TTC7A: variants seen among roughly 807,000 people sequenced by gnomAD.
The protein encoded by TTC7A is tetratricopeptide repeat domain 7A.
In TTC7A, 110 loss-of-function variants were observed where a neutral mutation model predicts 103.7. The observed-to-expected ratio is 1.06, with a 90% CI of 0.91 to 1.24. The LOEUF is 1.24. Among genes scored for constraint, TTC7A ranks in the 50% most tolerant of loss-of-function variants. TTC7A has a pLI of 0.00. For synonymous variants in TTC7A, 521 were observed against 467.9 expected, an observed-to-expected ratio of 1.11 and a Z score of -1.47; for missense variants, 1,340 against 1,116.3, an observed-to-expected ratio of 1.20 and a Z score of -2.86.
At chr2:46,987,838 G>GTGTGTGTGTT (rs1675193385) in intron 5 of TTC7A, among the ~76,000 whole-genome samples, 1 of 150,834 alleles carries the variant, frequency 6.6e-6, no homozygotes, top group Non-Finnish European at 1.5e-5. Context: ...GTGTGTGTGT[G>GTGTGTGTGTT]TGTGTTTGTG....
Position 46,941,810 on chromosome 2 carries a change from G to C in TTC7A, c.184+85G>C, listed in dbSNP as rs977098720. The C allele has an allele frequency of 1.3e-6, 2 of 1,506,320 alleles. No homozygotes were observed. Among genetic ancestry groups the C allele is most frequent in the Non-Finnish European group, 1.8e-6 (2 of 1,116,270 alleles). 93.3% of individuals were successfully genotyped at this position (1,506,320 alleles called of 1,614,324 possible). ...CAGGAAGCGCGCCCAGACAGTCCTC[G>C]GCCGACAGCGGGCGCCTGCCAGCCC... On this transcript the variant is annotated intron_variant, in intron 1 of 19. Coordinates refer to ENST00000319190, the MANE Select transcript of TTC7A (RefSeq NM_020458.4). The surrounding 1 kb of genome is among the most constrained non-coding windows in gnomAD (Gnocchi z 4.2).
At chr2:47,071,468 C>CTGTT (rs1403089965) in intron 19 of TTC7A, among the ~76,000 whole-genome samples, 1 of 152,236 alleles carries the variant, frequency 6.6e-6, no homozygotes, top group East Asian at 1.9e-4. Context: ...GAAGGCGCTG[C>CTGTT]TGTTTGCTGT....
intron 15 of TTC7A, among the ~76,000 whole-genome samples, chr2:47,045,914 G>T (rs953085893): frequency 5.9e-5 from 9 of 152,326 alleles, no homozygotes; most frequent in African/African-American, 2.2e-4. Flanking sequence ...GCCCTGTGGG[G>T]AATGTGAGTG....
At chr2:47,057,952 C>G (rs1454180483) in intron 18 of TTC7A, among the ~76,000 whole-genome samples, 3 of 152,186 alleles carry the variant, frequency 2.0e-5, no homozygotes. Flanking sequence ...CTCCTGTCCC[C>G]ACTCTTTCTC....
intron 19 of TTC7A, among the ~76,000 whole-genome samples, chr2:47,072,493 G>A (rs769900085): frequency 6.6e-6 from 1 of 152,206 alleles, no homozygotes; most frequent in Non-Finnish European, 1.5e-5. Flanking sequence ...CCAGGCATGC[G>A]CATCTTCCCC....
intron 15 of TTC7A, among the ~76,000 whole-genome samples, chr2:47,042,934 C>T (rs997555496): frequency 6.6e-6 from 1 of 152,190 alleles, no homozygotes; most frequent in Non-Finnish European, 1.5e-5. Flanking sequence ...TCCCCAGCCC[C>T]GACTGCCAGC....
At chr2:47,009,532 C>A (rs1270206712) in intron 10 of TTC7A, among the ~76,000 whole-genome samples, 1 of 152,150 alleles carries the variant, frequency 6.6e-6, no homozygotes, top group Admixed American at 6.5e-5. Flanking sequence ...AAAAGCTCTT[C>A]CTTAGATGGC....
At chr2:46,921,625 A>G (rs2103804451) in intron 2 of TTC7A, among the ~76,000 whole-genome samples, 1 of 152,324 alleles carries the variant, frequency 6.6e-6, no homozygotes, top group Middle Eastern at 3.4e-3. Flanking sequence ...AACTCTATCA[A>G]CAAAAAAAGG....
At position 46,953,902 on chromosome 2, in the gene TTC7A, A is replaced by G. The variant is rs1468279410; in HGVS notation, c.349-2937A>G. 2.0e-5 allele frequency among the ~76,000 whole-genome samples: 3 copies of G among 148,834 alleles called. No homozygotes were observed. In the East Asian group the frequency reaches 6.0e-4, roughly 30 times the overall value. On this transcript the variant is annotated intron_variant, in intron 2 of 19. Transcript: ENST00000319190. ...GGTCTCAGATTCTGGGTTTCAAGCG[A>G]TCCTCTTGCCTTGGTCTCCCAAAGT...
chr2:47,003,370 C>T (rs1227340928), intron 8 of TTC7A, among the ~76,000 whole-genome samples: 1 of 152,040 alleles, frequency 6.6e-6, no homozygotes, highest in Non-Finnish European at 1.5e-5. Flanking sequence ...AGAGGGTGGT[C>T]CTGAATGGGG....
chr2:47,062,688 C>T (rs1683885872), intron 19 of TTC7A, among the ~76,000 whole-genome samples: 1 of 152,208 alleles, frequency 6.6e-6, no homozygotes, highest in Non-Finnish European at 1.5e-5. Context: ...ATAACAAGTA[C>T]AATTTGGAAG....
chr2:47,065,054 G>A (rs1457747065), intron 19 of TTC7A, among the ~76,000 whole-genome samples: 2 of 152,158 alleles, frequency 1.3e-5, no homozygotes, highest in Admixed American at 6.5e-5. Flanking sequence ...TTGGGAGGCC[G>A]AGGCGGGCGG....
intron 5 of TTC7A, among the ~76,000 whole-genome samples, chr2:46,987,785 G>T (rs1675166747): frequency 6.6e-6 from 1 of 151,730 alleles, no homozygotes; most frequent in Admixed American, 6.6e-5. Context: ...GTTCAGGCCG[G>T]TGAAAGCACT....
intron 5 of TTC7A, among the ~76,000 whole-genome samples, chr2:46,984,680 G>T (rs1358947148): frequency 6.6e-6 from 1 of 152,088 alleles, no homozygotes; most frequent in Non-Finnish European, 1.5e-5. Context: ...GTCATGCTTT[G>T]CTTCTGCTGG....
In TTC7A at chr2:47,005,998, C is replaced by A; in HGVS notation, c.1142C>A (p.Ala381Asp). The change falls in exon 9 of 20, where the codon GCC becomes GAC. Residue 381 changes from alanine to aspartate, a missense_variant. Coordinates refer to ENST00000319190, the MANE Select transcript of TTC7A (RefSeq NM_020458.4). ...DRTVSLQNAAAIYDLLSITLG... is the reference protein window; with the variant it reads ...DRTVSLQNAADIYDLLSITLG... ...ACAGTGAGCTTGCAGAATGCCGCAG[C>A]CATCTATGACCTCCTGAGCATCACG... 1 of 1,613,864 alleles carries A rather than the reference C, an allele frequency of 6.2e-7. No homozygotes were observed.
At chr2:46,946,594 T>G (rs796967117) in intron 1 of TTC7A, among the ~76,000 whole-genome samples, 2 of 152,198 alleles carry the variant, frequency 1.3e-5, no homozygotes, top group African/African-American at 4.8e-5. Flanking sequence ...CAGCTAACTT[T>G]TTTTGTGTGT....
rs540481299 is a variant in TTC7A at position 47,028,017 on chromosome 2, T to A, written c.1642-1207T>A. Among the ~76,000 whole-genome samples, 7 of 152,258 alleles carry A rather than the reference T, an allele frequency of 4.6e-5. No homozygotes were observed. The East Asian group carries it at 1.4e-3, about 29-fold the overall frequency. ...AGCTTTTTCTCTGAGGGTAGTAACC[T>A]CCACAGCTGAATGTAGATGGGTCTG... On this transcript the variant is annotated intron_variant, in intron 14 of 19. Transcript: ENST00000319190.
chr2:46,941,463 G>C lies in TTC7A; in HGVS notation c.-79G>C, dbSNP rs1340869051. The stretch of plus-strand genomic sequence containing the variant: ...GCGCCCCCGTCGACCCCGCCCGCGA[G>C]TGCGCCCCAGCCAGGACGCCGCCCC... On this transcript the variant is annotated 5_prime_UTR_variant, in exon 1 of 20. Coordinates refer to ENST00000319190, the MANE Select transcript of TTC7A (RefSeq NM_020458.4). This position sits in a 1 kb window ranked among gnomAD's most constrained non-coding sequence, Gnocchi z 4.2. 6.9e-7 allele frequency: 1 copy of C among 1,442,634 alleles called. No individual in the cohort carries two copies. The highest frequency in any genetic ancestry group is 9.2e-7 in the Non-Finnish European group (1 of 1,086,212). The allele number at this position is 1,442,634 out of a possible 1,614,324, so 89.4% of individuals were successfully genotyped here. A position where few individuals can be genotyped will look rare whatever the true frequency, so the allele number is the denominator to read the frequency against.
At chr2:46,987,684 A>G (rs1367261562) in intron 5 of TTC7A, among the ~76,000 whole-genome samples, 1 of 152,218 alleles carries the variant, frequency 6.6e-6, no homozygotes, top group Non-Finnish European at 1.5e-5. Context: ...TTTAATTAGT[A>G]AAGCAACATG....
Sources: gnomAD v4.1 joint callset for allele counts (sites outside exome capture counted in the v4.1 genomes callset) on GRCh38, gnomAD v4.1.1 for gene constraint, Gnocchi (gnomAD v3.1) non-coding constraint, MANE v1.5 for transcripts, NCBI Gene and HGNC (gene_info 2026-07-23, HGNC 2026-07-21) for gene names.